Variants in FREM2 observed in about 807,000 individuals in gnomAD.
FREM2 encodes FRAS1-related extracellular matrix protein 2.
Under a neutral mutation model 219.9 loss-of-function variants are expected in FREM2, and 119 were observed. That is an observed-to-expected ratio of 0.54 (90% CI 0.47 to 0.63). The LOEUF (loss-of-function observed/expected upper bound fraction) is 0.63. Among genes scored for constraint, FREM2 ranks in the 30% least tolerant of loss-of-function variants. FREM2 has a pLI of 0.00. For synonymous variants in FREM2, 1,562 were observed against 1,522.8 expected, an observed-to-expected ratio of 1.03 and a Z score of -0.60; for missense variants, 4,030 against 3,993.6, an observed-to-expected ratio of 1.01 and a Z score of -0.25.
At chr13:38,810,878 G>A (rs1453480405) in intron 6 of FREM2, among the ~76,000 whole-genome samples, 1 of 151,910 alleles carries the variant, frequency 6.6e-6, no homozygotes, top group Non-Finnish European at 1.5e-5. Context: ...GTTTTAATAG[G>A]ATTAGTATTA....
chr13:38,826,298 A>T (rs759414094), intron 6 of FREM2, among the ~76,000 whole-genome samples: 8 of 152,134 alleles, frequency 5.3e-5, no homozygotes, highest in Non-Finnish European at 8.8e-5. Context: ...CCAGAAATAC[A>T]AGAACCAAAG....
At chr13:38,708,030 C>T (rs1013609114) in intron 2 of FREM2, among the ~76,000 whole-genome samples, 1 of 152,198 alleles carries the variant, frequency 6.6e-6, no homozygotes. Flanking sequence ...TCTCCATGGC[C>T]ATTGGTTCCT....
intron 6 of FREM2, among the ~76,000 whole-genome samples, chr13:38,791,180 G>A (rs1378467279): frequency 6.6e-6 from 1 of 152,270 alleles, no homozygotes; most frequent in East Asian, 1.9e-4. Context: ...TTCTTCAACA[G>A]CACATTTAAA....
intron 20 of FREM2, 139 bp downstream of exon 20, chr13:38,876,521 GA>G (rs1173123717): frequency 1.2e-5 from 9 of 753,356 alleles, no homozygotes; most frequent in Middle Eastern, 6.6e-4. Context: ...GACAGTTAAG[GA>G]AGCTAGGGAT....
intron 16 of FREM2, among the ~76,000 whole-genome samples, chr13:38,865,076 TCTGCTTTTAGCCTC>T (rs1359385646): frequency 2.6e-5 from 4 of 152,242 alleles, no homozygotes; most frequent in Admixed American, 6.5e-5. Flanking sequence ...CAAAACTTTC[TCTGCTTTTAGCCTC>T]CTGTTTTACT....
intron 6 of FREM2, among the ~76,000 whole-genome samples, chr13:38,825,885 A>G (rs929628380): frequency 6.6e-6 from 1 of 152,160 alleles, no homozygotes; most frequent in African/African-American, 2.4e-5. Flanking sequence ...TTAAAAATAT[A>G]TTAGACAGGT....
rs1256115773 is a variant in FREM2, at chr13:38,687,526, C to A, written c.182C>A (p.Ala61Glu). 6.3e-7 allele frequency: 1 copy of A among 1,598,820 alleles called. No homozygotes were observed. Among genetic ancestry groups the A allele is most frequent in the African/African-American group, 1.3e-5 (1 of 74,970 alleles). The change falls in exon 1 of 24, where the codon GCG (alanine) becomes GAG (glutamate). Residue 61 changes from alanine to glutamate, a missense_variant. Coordinates refer to ENST00000280481, the MANE Select transcript of FREM2 (RefSeq NM_207361.6). ...AGGGCGTTGCTGTCCCCTGGTCTCG[C>A]GGGGGCTGCAGGGGTCCCTGCTGAG... Reference protein sequence around the residue: ...FGRALLSPGLAGAAGVPAEEA... With the variant: ...FGRALLSPGLEGAAGVPAEEA...
In FREM2 at chr13:38,760,660, T is replaced by A. The variant is rs141833714; in HGVS notation, c.5264-3644T>A. The stretch of plus-strand genomic sequence containing the variant: ...AAAAGATTCAGTAATGAAAGAGATA[T>A]GTTATGTTTACATAGAAAATTTATG... On this transcript the variant is annotated intron_variant, in intron 2 of 23. Transcript: ENST00000280481. Among the ~76,000 whole-genome samples, 665 of 152,266 alleles carry A rather than the reference T, an allele frequency of 4.4e-3. 6 individuals are homozygous for A. The highest frequency in any genetic ancestry group is 0.015 in the African/African-American group (621 of 41,546).
At chr13:38,760,330 C>A (rs1044375051) in intron 2 of FREM2, among the ~76,000 whole-genome samples, 1 of 152,204 alleles carries the variant, frequency 6.6e-6, no homozygotes, top group Non-Finnish European at 1.5e-5. Context: ...AACTGTTCAG[C>A]TATGTGTCAT....
chr13:38,797,688 G>C (rs1239798149), intron 6 of FREM2, among the ~76,000 whole-genome samples: 1 of 151,854 alleles, frequency 6.6e-6, no homozygotes, highest in African/African-American at 2.4e-5. Flanking sequence ...CTAGACAAAT[G>C]TTCCCAAGTT....
intron 3 of FREM2, among the ~76,000 whole-genome samples, chr13:38,768,946 T>G (rs945444148): frequency 6.6e-6 from 1 of 152,204 alleles, no homozygotes; most frequent in Non-Finnish European, 1.5e-5. Context: ...TATATTTAGC[T>G]CTCCAATTCT....
chr13:38,847,669 T>C (rs1877215241), intron 7 of FREM2, among the ~76,000 whole-genome samples: 1 of 152,000 alleles, frequency 6.6e-6, no homozygotes, highest in Non-Finnish European at 1.5e-5. Flanking sequence ...ACAGATATAC[T>C]CAAGCAAAGT....
Position 38,690,982 on chromosome 13 carries a change from T to C in FREM2, c.3638T>C (p.Leu1213Pro). The change falls in exon 1 of 24, where the codon CTC becomes CCC. Residue 1213 changes from leucine to proline, a missense_variant. Physicochemically the swap from Leu to Pro is moderately conservative, Grantham distance 98. This residue lies in a region of FREM2 where 3,102 missense variants were observed against 2,950.7 expected (regional missense o/e 1.05). Transcript: ENST00000280481. The stretch of plus-strand genomic sequence containing the variant: ...AGTCTGGTAATTGATACACCCATTC[T>C]CAATGCTGCTGATGCTGATGTTCCC... The part of the protein sequence containing the change: ...GMSLVIDTPI[L>P]NAADADVPLD... The C allele has an allele frequency of 6.2e-7, 1 of 1,614,162 alleles. No individual in the cohort carries two copies. The highest frequency in any genetic ancestry group is 8.5e-7 in the Non-Finnish European group (1 of 1,179,996).
chr13:38,765,852 G>C (rs113163139), intron 3 of FREM2, among the ~76,000 whole-genome samples: 1,858 of 152,176 alleles, frequency 0.012, 41 homozygotes, highest in African/African-American at 0.043. Flanking sequence ...TTTTGCATGA[G>C]CCTCCACCTG....
In FREM2 at chr13:38,783,106, T is replaced by C. The variant is rs1874182071; in HGVS notation, c.5678T>C (p.Val1893Ala). ...TVFIPQSKYS[V>A]EEDVGELFIP... ...TTTATTCCCCAGTCCAAATACTCCG[T>C]TGAAGAAGATGTTGGTGAGCTGTTC... Residue 1893 changes from valine (V) to alanine (A), a missense_variant, in exon 5 of 24, where the codon GTT (valine) becomes GCT (alanine). Around this residue, in one of 2 missense-constraint regions of FREM2, gnomAD observed 3,102 missense variants for 2,950.7 expected, o/e 1.05. Coordinates refer to ENST00000280481, the MANE Select transcript of FREM2 (RefSeq NM_207361.6). The C allele has an allele frequency of 6.2e-7, 1 of 1,614,002 alleles. No homozygotes were observed. The highest frequency in any genetic ancestry group is 8.5e-7 in the Non-Finnish European group (1 of 1,179,950).
intron 6 of FREM2, among the ~76,000 whole-genome samples, chr13:38,833,020 CAG>C (rs1876572034): frequency 6.6e-6 from 1 of 151,964 alleles, no homozygotes; most frequent in Non-Finnish European, 1.5e-5. Flanking sequence ...CCCTGGGTGA[CAG>C]AATGAGACTG....
Position 38,689,872 on chromosome 13 carries a change from G to A in FREM2, c.2528G>A (p.Gly843Asp). 3 of 1,614,164 alleles carry A rather than the reference G, an allele frequency of 1.9e-6. No individual in the cohort carries two copies. The highest frequency in any genetic ancestry group is 2.5e-6 in the Non-Finnish European group (3 of 1,180,040). ...ACCGGCTTCACTATTCAGGAGAAGG[G>A]TCACCACATCCTGAGTGAGACAGAG... The part of the protein sequence containing the change: ...LNTGFTIQEK[G>D]HHILSETELH... Residue 843 changes from glycine (G) to aspartate (D), a missense_variant, in exon 1 of 24, where the codon GGT (glycine) becomes GAT (aspartate). Coordinates refer to ENST00000280481, the MANE Select transcript of FREM2 (RefSeq NM_207361.6).
intron 2 of FREM2, among the ~76,000 whole-genome samples, chr13:38,744,318 C>A (rs1000785227): frequency 6.7e-6 from 1 of 150,258 alleles, no homozygotes; most frequent in East Asian, 2.0e-4. Context: ...TCAAGTGATC[C>A]TCCTGCCTCA....
intron 20 of FREM2, 73 bp downstream of exon 20, chr13:38,876,455 A>C (rs907049268): frequency 1.0e-5 from 14 of 1,349,742 alleles, no homozygotes; most frequent in Non-Finnish European, 1.5e-5. Flanking sequence ...GTAAAAAAAA[A>C]AAAAATCCAC....
Sources: allele counts gnomAD v4.1 joint callset (sites outside exome capture counted in the v4.1 genomes callset), GRCh38; gene constraint gnomAD v4.1.1; regional missense constraint gnomAD v4.1.1; transcripts MANE v1.5; gene names NCBI Gene and HGNC (gene_info 2026-07-23, HGNC 2026-07-21).